The following ACER1 variants were observed in gnomAD, a reference collection of about 807,000 sequenced individuals.
ACER1 encodes alkaline ceramidase 1.
In ACER1, 28 loss-of-function variants were observed where a neutral mutation model predicts 24.9. The ratio of observed to expected loss-of-function variants is 1.13; its 90% CI spans 0.83 to 1.54. The LOEUF is 1.54. ACER1 is among the 40% of genes most tolerant of loss of function. ACER1 has a pLI of 0.00. For missense variants in ACER1, 352 were observed against 349.3 expected, an observed-to-expected ratio of 1.01 and a Z score of -0.06; for synonymous variants, 132 against 131.4, an observed-to-expected ratio of 1.00 and a Z score of -0.03.
At chr19:6,329,356 T>TTAGAATAGAATAGAATAGA (rs1860505605) in intron 1 of ACER1, among the ~76,000 whole-genome samples, 1 of 133,938 alleles carries the variant, frequency 7.5e-6, no homozygotes, top group Non-Finnish European at 1.6e-5. Flanking sequence ...GGCTTTTTGA[T>TTAGAATAGAATAGAATAGA]ATAGAATAGA....
intron 1 of ACER1, among the ~76,000 whole-genome samples, chr19:6,320,652 G>A (rs1285351419): frequency 6.6e-6 from 1 of 151,994 alleles, no homozygotes; most frequent in Non-Finnish European, 1.5e-5. Flanking sequence ...GTAATTAAGT[G>A]GTCTCACAGC....
intron 1 of ACER1, among the ~76,000 whole-genome samples, 168 bp from the exon 2 acceptor site, chr19:6,312,667 C>CTTT (rs35762850): frequency 3.0e-5 from 4 of 132,384 alleles, no homozygotes; most frequent in Admixed American, 7.7e-5. Flanking sequence ...TCAGCCGACC[C>CTTT]TTTTTTTTTT....
intron 3 of ACER1, among the ~76,000 whole-genome samples, chr19:6,310,069 C>A (rs1329464822): frequency 6.6e-6 from 1 of 151,798 alleles, no homozygotes; most frequent in African/African-American, 2.4e-5. Context: ...TGAGACCAGC[C>A]TGGTCAACAT....
upstream of ACER1, among the ~76,000 whole-genome samples, chr19:6,336,656 T>C (rs1293593156): frequency 6.6e-6 from 1 of 151,256 alleles, no homozygotes; most frequent in Non-Finnish European, 1.5e-5. Context: ...CCGTCTCTAC[T>C]AAAAATATAA....
the ACER1 span, among the ~76,000 whole-genome samples, chr19:6,359,701 T>C: frequency 6.6e-6 from 1 of 152,152 alleles, no homozygotes; most frequent in African/African-American, 2.4e-5. Flanking sequence ...TGGGAGGACC[T>C]GAAGACTTCT....
intron 1 of ACER1, among the ~76,000 whole-genome samples, chr19:6,323,237 A>T (rs111322393): frequency 6.6e-6 from 1 of 151,798 alleles, no homozygotes; most frequent in Non-Finnish European, 1.5e-5. Context: ...TGGCTAACAC[A>T]GTGAAACCCC....
intron 1 of ACER1, among the ~76,000 whole-genome samples, chr19:6,330,107 G>A (rs868213328): frequency 4.6e-4 from 70 of 150,868 alleles, no homozygotes; most frequent in African/African-American, 1.7e-3. Flanking sequence ...TCTTGACCTC[G>A]TGATCTGCCC....
chr19:6,326,217 C>T (rs2091661248), intron 1 of ACER1, among the ~76,000 whole-genome samples: 1 of 150,038 alleles, frequency 6.7e-6, no homozygotes, highest in African/African-American at 2.5e-5. Context: ...GCTCCGCCTC[C>T]TGGGTTCACC....
Position 6,307,270 on chromosome 19 carries a change from C to T in ACER1, c.509G>A (p.Arg170Gln), listed in dbSNP as rs780068847. Residue 170 changes from arginine to glutamine, a missense_variant, in exon 5 of 6, where the codon CGG (arginine) becomes CAG (glutamine). Transcript: ENST00000301452. ...AACCACGGAGACCTCAATCAGGTGC[C>T]GAAGCTCCTTATTGCTGGTCCTAGA... is the stretch of plus-strand genomic sequence containing the variant. ...EYRKTSNKEL[R>Q]HLIEVSVVLW... is the part of the protein sequence containing the mutation. 29 of 1,613,940 alleles carry T rather than the reference C, an allele frequency of 1.8e-5. No homozygotes were observed. Among genetic ancestry groups the T allele is most frequent in the South Asian group, 7.7e-5 (7 of 91,068 alleles).
chr19:6,340,782 G>T, the ACER1 span, among the ~76,000 whole-genome samples: 1 of 152,044 alleles, frequency 6.6e-6, no homozygotes, highest in Non-Finnish European at 1.5e-5. Context: ...GGTGGGAGCC[G>T]GGGGAGAGCT....
intron 1 of ACER1, among the ~76,000 whole-genome samples, chr19:6,328,141 T>C (rs1238582573): frequency 6.6e-6 from 1 of 151,188 alleles, no homozygotes; most frequent in Non-Finnish European, 1.5e-5. Context: ...TATGGCTGGT[T>C]TTCAGCTACA....
At chr19:6,347,218 CTTTTTCTTT>C in the ACER1 span, among the ~76,000 whole-genome samples, 8 of 132,188 alleles carry the variant, frequency 6.1e-5, no homozygotes, top group Non-Finnish European at 1.1e-4. Context: ...CTTTTCTTTT[CTTTTTCTTT>C]TTTTTTTTTT....
chr19:6,354,504 A>G, the ACER1 span, among the ~76,000 whole-genome samples: 2 of 152,358 alleles, frequency 1.3e-5, no homozygotes, highest in East Asian at 3.9e-4. Flanking sequence ...GAACAGGATC[A>G]AATAGAATAG....
the ACER1 span, among the ~76,000 whole-genome samples, chr19:6,347,118 A>G: frequency 7.3e-6 from 1 of 137,266 alleles, no homozygotes; most frequent in Non-Finnish European, 1.5e-5. Flanking sequence ...AAATATATAT[A>G]TATATATATA....
the ACER1 span, among the ~76,000 whole-genome samples, chr19:6,346,519 CTT>C: frequency 1.8e-4 from 23 of 130,858 alleles, no homozygotes; most frequent in Admixed American, 2.4e-4. Context: ...TTTTTCTTTT[CTT>C]TTTTTTTTTT....
At chr19:6,339,853 G>C in the ACER1 span, among the ~76,000 whole-genome samples, 1 of 151,916 alleles carries the variant, frequency 6.6e-6, no homozygotes, top group African/African-American at 2.4e-5. Context: ...TTTTAGTAGA[G>C]ACGGGGTTTC....
the ACER1 span, among the ~76,000 whole-genome samples, chr19:6,357,671 G>A: frequency 1.3e-5 from 2 of 151,620 alleles, no homozygotes; most frequent in African/African-American, 4.8e-5. Context: ...GTCGAGGCCC[G>A]AGAATCGCTT....
At chr19:6,343,009 T>A in the ACER1 span, among the ~76,000 whole-genome samples, 2 of 152,194 alleles carry the variant, frequency 1.3e-5, no homozygotes, top group East Asian at 3.9e-4. Flanking sequence ...ACTCCCGACC[T>A]CAGGTGATCC....
chr19:6,335,487 T>G (rs1474758576), upstream of ACER1, among the ~76,000 whole-genome samples: 1 of 152,018 alleles, frequency 6.6e-6, no homozygotes, highest in Non-Finnish European at 1.5e-5. Flanking sequence ...CTTCCCAAAG[T>G]GCTGGGATTA....
Sources: allele counts gnomAD v4.1 joint callset (sites outside exome capture counted in the v4.1 genomes callset), GRCh38; gene constraint gnomAD v4.1.1; transcripts MANE v1.5; gene names NCBI Gene and HGNC (gene_info 2026-07-23, HGNC 2026-07-21).